Variants in SNTB2 observed in about 807,000 individuals in gnomAD.
The protein encoded by SNTB2 is beta-2-syntrophin.
In SNTB2, 34 loss-of-function variants were observed where a neutral mutation model predicts 46.2. The observed-to-expected ratio is 0.74, with a 90% CI of 0.56 to 0.98. SNTB2 has a LOEUF of 0.98. Among genes scored for constraint, SNTB2 ranks in the 50% least tolerant of loss-of-function variants. The pLI, the probability that SNTB2 is intolerant of heterozygous loss-of-function variation, is 0.00. For missense variants in SNTB2, 603 were observed against 731.4 expected (o/e 0.82, Z 2.02); for synonymous variants, 290 against 312.6 (o/e 0.93, Z 0.76).
intron 1 of SNTB2, among the ~76,000 whole-genome samples, chr16:69,223,692 A>G (rs568527033): frequency 3.3e-5 from 5 of 150,400 alleles, no homozygotes; most frequent in Admixed American, 2.0e-4. Flanking sequence ...GCAGTGGCCC[A>G]ATCTCGGCTC....
intron 5 of SNTB2, among the ~76,000 whole-genome samples, chr16:69,299,146 CTT>C (rs375905717): frequency 1.8e-4 from 25 of 138,612 alleles, no homozygotes; most frequent in Admixed American, 1.5e-4. Flanking sequence ...AAACACACTT[CTT>C]TTTTTTTTTT....
intron 5 of SNTB2, among the ~76,000 whole-genome samples, chr16:69,285,455 A>G (rs1314664447): frequency 8.9e-6 from 1 of 112,424 alleles, no homozygotes; most frequent in Non-Finnish European, 1.8e-5. Context: ...TTGAGCTTCT[A>G]TTTATTTATT....
At chr16:69,204,130 C>A (rs999569507) in intron 1 of SNTB2, among the ~76,000 whole-genome samples, 1 of 146,258 alleles carries the variant, frequency 6.8e-6, no homozygotes, top group African/African-American at 2.6e-5. Context: ...TGACCTCAAG[C>A]GATCCACCAG....
intron 5 of SNTB2, among the ~76,000 whole-genome samples, chr16:69,289,582 A>T (rs1351499788): frequency 6.6e-6 from 1 of 152,178 alleles, no homozygotes; most frequent in African/African-American, 2.4e-5. Flanking sequence ...TTACACATGT[A>T]ACAAAATATC....
In SNTB2 at chr16:69,270,136, G is replaced by T; in HGVS notation, c.1006-7G>T. 6.2e-7 allele frequency: 1 copy of T among 1,613,666 alleles called. No homozygotes were observed. The highest frequency in any genetic ancestry group is 1.1e-5 in the South Asian group (1 of 91,062). The stretch of plus-strand genomic sequence containing the variant: ...GCCCTGATTTCTGAATTTTTCCATT[G>T]TAACAGGCAAAACTAGATGGTGGAA... On this transcript the variant is annotated splice_polypyrimidine_tract_variant and splice_region_variant and intron_variant, in intron 3 of 6. Transcript: ENST00000336278.
intron 1 of SNTB2, 43 bp downstream of exon 1, chr16:69,187,789 T>C: frequency 7.7e-7 from 1 of 1,299,230 alleles, no homozygotes; most frequent in Non-Finnish European, 9.9e-7. Context: ...CGCGGCGGCC[T>C]GGGCTCGCGG....
chr16:69,231,225 A>C (rs1964503069), intron 1 of SNTB2: 1 of 152,268 alleles, frequency 6.6e-6, no homozygotes, highest in Non-Finnish European at 1.5e-5. Context: ...AACAAGTTGT[A>C]ACATTGTTTC....
chr16:69,259,108 C>T (rs1964807890), intron 2 of SNTB2, among the ~76,000 whole-genome samples: 1 of 151,904 alleles, frequency 6.6e-6, no homozygotes, highest in Non-Finnish European at 1.5e-5. Context: ...GCAAAGTGAT[C>T]TACTGTAGAC....
At chr16:69,289,269 C>CA (rs539709680) in intron 5 of SNTB2, among the ~76,000 whole-genome samples, 31,367 of 76,364 alleles carry the variant, frequency 0.41, 5,173 homozygotes, top group Non-Finnish European at 0.43. Flanking sequence ...AACTCCGTCT[C>CA]AAAAAAAAAA....
At position 69,307,937 on chromosome 16, in the gene SNTB2, A is replaced by G. The variant is rs1227124837; in HGVS notation, c.*7013A>G. 6.6e-6 allele frequency: 1 copy of G among 152,228 alleles called. No individual in the cohort carries two copies. The highest frequency in any genetic ancestry group is 2.4e-5 in the African/African-American group (1 of 41,454). 9.4% of individuals were successfully genotyped at this position (152,228 alleles called of 1,614,324 possible). On this transcript the variant is annotated 3_prime_UTR_variant, in exon 7 of 7. Coordinates refer to ENST00000336278, the MANE Select transcript of SNTB2 (RefSeq NM_006750.4). ...GAATGTTTTCCATAATTTTCACACA[A>G]TAACAGTCCCTTTCTATCCAGCTTG...
intron 1 of SNTB2, among the ~76,000 whole-genome samples, chr16:69,236,945 C>G (rs1384087635): frequency 6.6e-6 from 1 of 152,140 alleles, no homozygotes. Context: ...ACCAGGCTAA[C>G]TATAGTACTG....
chr16:69,259,677 C>T (rs138778168), intron 2 of SNTB2, among the ~76,000 whole-genome samples: 2 of 146,408 alleles, frequency 1.4e-5, no homozygotes, highest in African/African-American at 5.1e-5. Context: ...GATCTTGGCT[C>T]ACTGCAACCT....
intron 1 of SNTB2, among the ~76,000 whole-genome samples, chr16:69,234,361 T>G (rs1964536978): frequency 6.6e-6 from 1 of 152,180 alleles, no homozygotes; most frequent in Non-Finnish European, 1.5e-5. Flanking sequence ...AAGTGGCCAA[T>G]AATTAGGGAA....
chr16:69,271,156 C>A (rs1030620690), intron 4 of SNTB2, among the ~76,000 whole-genome samples: 5 of 152,038 alleles, frequency 3.3e-5, no homozygotes, highest in African/African-American at 1.2e-4. Context: ...ATATATTATT[C>A]TTCCTTTACA....
chr16:69,259,544 TA>T, intron 2 of SNTB2, among the ~76,000 whole-genome samples: 1 of 151,264 alleles, frequency 6.6e-6, no homozygotes, highest in South Asian at 2.1e-4. Flanking sequence ...CTCTGATTTT[TA>T]TCTTTCCATG....
chr16:69,232,703 G>A (rs1013593891), intron 1 of SNTB2, among the ~76,000 whole-genome samples: 2 of 150,816 alleles, frequency 1.3e-5, no homozygotes, highest in African/African-American at 4.9e-5. Context: ...GTAGAGATGG[G>A]GTTTCACCAT....
chr16:69,223,718 T>C (rs951328793), intron 1 of SNTB2, among the ~76,000 whole-genome samples: 3 of 152,032 alleles, frequency 2.0e-5, no homozygotes, highest in Non-Finnish European at 4.4e-5. Context: ...AAGCTCCGCC[T>C]TCTGGATTCA....
chr16:69,220,726 C>T (rs1285329438), intron 1 of SNTB2, among the ~76,000 whole-genome samples: 9 of 151,992 alleles, frequency 5.9e-5, no homozygotes, highest in Admixed American at 5.3e-4. Flanking sequence ...GAGACAAGGT[C>T]TCCCTATATT....
intron 5 of SNTB2, among the ~76,000 whole-genome samples, chr16:69,292,367 T>A (rs1318118104): frequency 4.9e-5 from 1 of 20,322 alleles, no homozygotes; most frequent in African/African-American, 2.3e-4. Context: ...TATATATATA[T>A]ATATATATAT....
Sources: allele counts gnomAD v4.1 joint callset (sites outside exome capture counted in the v4.1 genomes callset), GRCh38; gene constraint gnomAD v4.1.1; transcripts MANE v1.5; gene names NCBI Gene and HGNC (gene_info 2026-07-23, HGNC 2026-07-21).